ALPK3: variants seen among roughly 807,000 people sequenced by gnomAD.
ALPK3 encodes the protein alpha-protein kinase 3.
A neutral mutation model predicts 140.0 loss-of-function variants in ALPK3; 102 were observed. That is an observed-to-expected ratio of 0.73 (90% CI 0.62 to 0.86). The LOEUF (loss-of-function observed/expected upper bound fraction) is 0.86. Among genes scored for constraint, ALPK3 ranks in the 40% least tolerant of loss-of-function variants. The probability of loss-of-function intolerance (pLI) is 0.00; values close to 1 mark genes in which losing one functional copy is unlikely to be tolerated. For missense variants in ALPK3, 2,254 were observed against 2,208.2 expected (o/e 1.02, Z -0.42); for synonymous variants, 938 against 898.5 (o/e 1.04, Z -0.79).
intron 4 of ALPK3, among the ~76,000 whole-genome samples, chr15:84,839,410 C>T (rs956682800): frequency 1.3e-5 from 2 of 152,226 alleles, no homozygotes; most frequent in African/African-American, 4.8e-5. Flanking sequence ...CATGACTTCA[C>T]GAGGGGCTGT....
chr15:84,859,213 G>A (rs767065171), intron 6 of ALPK3, 30 bp from the exon 7 acceptor site: 2 of 1,613,122 alleles, frequency 1.2e-6, no homozygotes, highest in South Asian at 1.1e-5. Context: ...GAGAGGTGGT[G>A]TTCCCCTCTT....
chr15:84,820,990 C>T lies in ALPK3; in HGVS notation c.144-2340C>T, dbSNP rs115817896. Among the ~76,000 whole-genome samples the T allele has an allele frequency of 6.0e-5, 9 of 150,736 alleles. No individual in the cohort carries two copies. In the East Asian group the frequency reaches 1.4e-3, roughly 23 times the overall value. ...CCTGAATTCCAACCCACCTCCAACC[C>T]TTTTTTTTTCTTCTATTCTGCTTAT... On this transcript the variant is annotated intron_variant, in intron 1 of 13. Transcript: ENST00000258888.
rs546808062 is a variant in ALPK3 at position 84,868,054 on chromosome 15, C to T, written c.4773-57C>T. 6.5e-6 allele frequency: 10 copies of T among 1,543,120 alleles called. No homozygotes were observed. The African/African-American group carries it at 1.2e-4, about 19-fold the overall frequency. On this transcript the variant is annotated intron_variant, in intron 13 of 13. Coordinates refer to ENST00000258888, the MANE Select transcript of ALPK3 (RefSeq NM_020778.5). ...TGATGGCCACCCCAGAGTCCGCCCC[C>T]CAAGGAACTGTGTCTCTGGTTGGGA...
At chr15:84,847,247 G>A (rs933159496) in intron 5 of ALPK3, among the ~76,000 whole-genome samples, 5 of 119,124 alleles carry the variant, frequency 4.2e-5, no homozygotes, top group African/African-American at 1.6e-4. Flanking sequence ...GAGAGAGAGA[G>A]AGGAATCAGA....
rs899748613 is a variant in ALPK3 at position 84,871,017 on chromosome 15, A to G, written c.*2561A>G. 1 of 152,628 alleles carries G rather than the reference A, an allele frequency of 6.6e-6. No homozygotes were observed. Among genetic ancestry groups the G allele is most frequent in the Non-Finnish European group, 1.5e-5 (1 of 68,040 alleles). 9.5% of individuals were successfully genotyped at this position (152,628 alleles called of 1,614,324 possible). On this transcript the variant is annotated 3_prime_UTR_variant, in exon 14 of 14. Coordinates refer to ENST00000258888, the MANE Select transcript of ALPK3 (RefSeq NM_020778.5). ...CTTCTATTCTCCAAAGTCCAGTGTCATTAGGGATAATCTCCCTCTTTCAGT... is the reference window on the plus strand; with the variant it reads ...CTTCTATTCTCCAAAGTCCAGTGTCGTTAGGGATAATCTCCCTCTTTCAGT...
chr15:84,825,766 T>C (rs969633790), intron 2 of ALPK3, among the ~76,000 whole-genome samples: 2 of 152,212 alleles, frequency 1.3e-5, no homozygotes, highest in African/African-American at 4.8e-5. Context: ...TGAGATTTGA[T>C]ATTTCCCCAA....
intron 5 of ALPK3, among the ~76,000 whole-genome samples, chr15:84,849,366 A>G (rs868252230): frequency 2.6e-5 from 4 of 152,242 alleles, no homozygotes; most frequent in Admixed American, 6.5e-5. Context: ...ACTAGTAGAC[A>G]GAAAATCAGT....
At position 84,863,649 on chromosome 15, in the gene ALPK3, G is replaced by A. The variant is rs763424460; in HGVS notation, c.4499+9G>A. 1.9e-5 allele frequency: 31 copies of A among 1,613,030 alleles called. No homozygotes were observed. Among genetic ancestry groups the A allele is most frequent in the East Asian group, 8.9e-5 (4 of 44,876 alleles). On this transcript the variant is annotated intron_variant, in intron 11 of 13. Coordinates refer to ENST00000258888, the MANE Select transcript of ALPK3 (RefSeq NM_020778.5). The stretch of plus-strand genomic sequence containing the variant: ...TTTGGGGAGGTGCCTGAGTAAGTAC[G>A]CAGCGAGGAGGACGTGCAGTGTGCA...
rs115292211 is a variant in ALPK3 at position 84,857,268 on chromosome 15, C to T, written c.2530C>T (p.Pro844Ser). Residue 844 changes from proline (P) to serine (S), a missense_variant, in exon 6 of 14, where the codon CCA becomes TCA. Coordinates refer to ENST00000258888, the MANE Select transcript of ALPK3 (RefSeq NM_020778.5). The part of the protein sequence containing the change: ...SPFQCPKEER[P>S]GGVPCMDQGG... ...GTTCCAGTGCCCCAAGGAGGAGCGG[C>T]CAGGGGGAGTGCCGTGTATGGATCA... The T allele has an allele frequency of 2.3e-3, 3,640 of 1,614,038 alleles. 125 individuals carry two copies. The Admixed American group carries it at 0.056, about 25-fold the overall frequency.
chr15:84,833,884 T>C (rs945588065), intron 3 of ALPK3, among the ~76,000 whole-genome samples: 4 of 152,138 alleles, frequency 2.6e-5, no homozygotes, highest in African/African-American at 9.7e-5. Flanking sequence ...ACTGTCTTCC[T>C]TGAGGCAGCC....
intron 7 of ALPK3, 56 bp from the exon 8 acceptor site, chr15:84,859,720 G>A: frequency 6.4e-7 from 1 of 1,557,648 alleles, no homozygotes; most frequent in Non-Finnish European, 8.6e-7. Flanking sequence ...AGGACGCTTA[G>A]GACCACAGTC....
rs907043935 is a variant in ALPK3 at position 84,872,044 on chromosome 15, C to T, written c.*3588C>T. ...AACACTGGACAGTGAGTGAGCTACC[C>T]ACACACGACCCACTGGTGCCTTCAG... On this transcript the variant is annotated 3_prime_UTR_variant, in exon 14 of 14. Coordinates refer to ENST00000258888, the MANE Select transcript of ALPK3 (RefSeq NM_020778.5). The T allele has an allele frequency of 6.6e-6, 1 of 152,314 alleles. No individual in the cohort carries two copies. Among genetic ancestry groups the T allele is most frequent in the Non-Finnish European group, 1.5e-5 (1 of 68,094 alleles). 9.4% of individuals were successfully genotyped at this position (152,314 alleles called of 1,614,324 possible). A position where few individuals can be genotyped will look rare whatever the true frequency, so the allele number is the denominator to read the frequency against.
intron 11 of ALPK3, 129 bp downstream of exon 11, chr15:84,863,769 ATGCTCAGCTCAG>A: frequency 2.4e-6 from 2 of 842,382 alleles, no homozygotes; most frequent in Non-Finnish European, 1.8e-6. Context: ...TCACAGCCCC[ATGCTCAGCTCAG>A]TGGCCTCACA....
rs145646854 is a variant in ALPK3 at position 84,859,762 on chromosome 15, T to C, written c.3966-14T>C. The C allele has an allele frequency of 5.7e-4, 915 of 1,607,962 alleles. 8 individuals carry two copies. The East Asian group carries it at 0.02, about 34-fold the overall frequency. On this transcript the variant is annotated splice_polypyrimidine_tract_variant and intron_variant, in intron 7 of 13. Coordinates refer to ENST00000258888, the MANE Select transcript of ALPK3 (RefSeq NM_020778.5). Reference sequence around the variant, plus strand: ...CATGCCATGGCCCTCACGAGTAGGGTCTCCACTCTGCAGCGCAGGGGATGA... The same window carrying C: ...CATGCCATGGCCCTCACGAGTAGGGCCTCCACTCTGCAGCGCAGGGGATGA...
rs1963865547 is a variant in ALPK3, at chr15:84,856,682, C to T, written c.1944C>T (p.Ser648=). 5.6e-6 allele frequency: 9 copies of T among 1,613,904 alleles called. No homozygotes were observed. Among genetic ancestry groups the T allele is most frequent in the Middle Eastern group, 3.3e-4 (2 of 6,084 alleles). The change falls in exon 6 of 14, where the codon AGC becomes AGT. Residue 648 remains serine, a synonymous_variant. Coordinates refer to ENST00000258888, the MANE Select transcript of ALPK3 (RefSeq NM_020778.5). ...AGGTGGATGCTGGGACACAAGAAAGCAAGAGGCCACAGTCAGACAGGAGTG... is the reference window on the plus strand; with the variant it reads ...AGGTGGATGCTGGGACACAAGAAAGTAAGAGGCCACAGTCAGACAGGAGTG... ...KTQVDAGTQE[S]KRPQSDRSAQ...
Position 84,868,336 on chromosome 15 carries a change from C to A in ALPK3, c.4998C>A (p.Gly1666=), listed in dbSNP as rs749593573. Residue 1666 remains glycine, a synonymous_variant, in exon 14 of 14, where the codon GGC becomes GGA. Coordinates refer to ENST00000258888, the MANE Select transcript of ALPK3 (RefSeq NM_020778.5). The part of the protein sequence containing the change: ...PQKKGLPSPQ[G]TRKSAPSSKA... ...AGAAAGGCCTCCCTAGTCCTCAGGG[C>A]ACCCGGAAGAGTGCTCCAAGTTCCA... 1.9e-6 allele frequency: 3 copies of A among 1,614,140 alleles called. No individual in the cohort carries two copies. Among genetic ancestry groups the A allele is most frequent in the Non-Finnish European group, 1.7e-6 (2 of 1,180,018 alleles).
rs1294680151 is a variant in ALPK3, at chr15:84,863,518, C to A, written c.4411-34C>A. The A allele has an allele frequency of 3.6e-5, 57 of 1,593,352 alleles. 4 individuals carry two copies. In the South Asian group the frequency reaches 6.2e-4, roughly 17 times the overall value. On this transcript the variant is annotated intron_variant, in intron 10 of 13. Coordinates refer to ENST00000258888, the MANE Select transcript of ALPK3 (RefSeq NM_020778.5). ...GACACAGTGGAGGACTGAGGAATTT[C>A]TTTGCTCACCACATTTGGTTCCCTC... is the stretch of plus-strand genomic sequence containing the variant.
chr15:84,859,379 G>A lies in ALPK3; in HGVS notation c.3954G>A (p.Glu1318=), dbSNP rs34122391. Residue 1318 remains glutamate, a synonymous_variant, in exon 7 of 14, where the codon GAG becomes GAA. Transcript: ENST00000258888. The stretch of plus-strand genomic sequence containing the variant: ...CCAAGGATCAGCGCCCAGTGGGCGA[G>A]GTGGGCAGGAGGTAAGCCAACGACA... The part of the protein sequence containing the change: ...TWAKDQRPVG[E]VGRSAGDEGP... 72,631 of 1,614,002 alleles carry A rather than the reference G, an allele frequency of 0.045. 2,772 individuals carry two copies. Among genetic ancestry groups the A allele is most frequent in the East Asian group, 0.22 (9,646 of 44,862 alleles).
In ALPK3 at chr15:84,872,665, A is replaced by T. The variant is rs1037215546; in HGVS notation, c.*4209A>T. On this transcript the variant is annotated 3_prime_UTR_variant, in exon 14 of 14. Coordinates refer to ENST00000258888, the MANE Select transcript of ALPK3 (RefSeq NM_020778.5). Reference sequence around the variant, plus strand: ...CCCCAGAACTTTATAGAAGGGGCAGACCTTGGCATTTTCACATGATTTATC... The same window carrying T: ...CCCCAGAACTTTATAGAAGGGGCAGTCCTTGGCATTTTCACATGATTTATC... The T allele has an allele frequency of 1.3e-5, 2 of 152,214 alleles. No individual in the cohort carries two copies. The highest frequency in any genetic ancestry group is 4.8e-5 in the African/African-American group (2 of 41,460). The allele number at this position is 152,214 out of a possible 1,614,324, so 9.4% of individuals were successfully genotyped here. A position where few individuals can be genotyped will look rare whatever the true frequency, so the allele number is the denominator to read the frequency against.
Sources: gnomAD v4.1 joint callset for allele counts (sites outside exome capture counted in the v4.1 genomes callset) on GRCh38, gnomAD v4.1.1 for gene constraint, MANE v1.5 for transcripts, NCBI Gene and HGNC (gene_info 2026-07-23, HGNC 2026-07-21) for gene names.